BDNF: variants seen among roughly 807,000 people sequenced by gnomAD.
BDNF encodes brain derived neurotrophic factor.
BDNF carries 1 observed loss-of-function variant against 19.5 expected under a neutral mutation model. That is an observed-to-expected ratio of 0.05 (90% CI 0.02 to 0.24). The LOEUF is 0.24. Among genes scored for constraint, BDNF ranks in the 10% least tolerant of loss-of-function variants. The pLI is 1.00. For synonymous variants in BDNF, 100 were observed against 121.6 expected (o/e 0.82, Z 1.17); for missense variants, 195 against 317.6 (o/e 0.61, Z 2.93).
At chr11:27,698,394 G>GA (rs1280099392) in intron 1 of BDNF, among the ~76,000 whole-genome samples, 1 of 152,072 alleles carries the variant, frequency 6.6e-6, no homozygotes, top group Non-Finnish European at 1.5e-5. Context: ...GTAATGCCTT[G>GA]AAACGCTACA....
At chr11:27,707,052 C>G (rs1860137709) in intron 1 of BDNF, among the ~76,000 whole-genome samples, 1 of 152,164 alleles carries the variant, frequency 6.6e-6, no homozygotes, top group Non-Finnish European at 1.5e-5. Flanking sequence ...TTCATATTCT[C>G]AGGTGCTTAT....
intron 1 of BDNF, chr11:27,659,636 T>TGC: frequency 1.0e-6 from 1 of 998,366 alleles, no homozygotes; most frequent in Non-Finnish European, 1.2e-6. Context: ...TCTCTGTGTG[T>TGC]GTGTGTGTGT....
chr11:27,699,582 T>G (rs1193054931), intron 1 of BDNF: 33 of 1,493,732 alleles, frequency 2.2e-5, no homozygotes, highest in Non-Finnish European at 5.3e-6. Context: ...CGGTAGGAAT[T>G]CCGCCTCCCA....
intron 1 of BDNF, chr11:27,699,375 C>CA (rs764749578): frequency 6.2e-7 from 1 of 1,612,738 alleles, no homozygotes; most frequent in Admixed American, 1.7e-5. Context: ...AGGAGTAACT[C>CA]ACTCACCCAT....
chr11:27,669,602 A>G (rs891211827), intron 1 of BDNF, among the ~76,000 whole-genome samples: 1 of 152,184 alleles, frequency 6.6e-6, no homozygotes, highest in Non-Finnish European at 1.5e-5. Context: ...AAGCATTCCT[A>G]TACACCAATA....
In BDNF at chr11:27,659,566, T is replaced by G. The variant is rs1034705786; in HGVS notation, c.-21-981A>C. 3.0e-6 allele frequency: 3 copies of G among 1,000,266 alleles called. No individual in the cohort carries two copies. The African/African-American group carries it at 5.2e-5, about 17-fold the overall frequency. The allele number at this position is 1,000,266 out of a possible 1,614,324, so 62.0% of individuals were successfully genotyped here. On this transcript the variant is annotated intron_variant, in intron 1 of 1. Transcript: ENST00000356660. Reference sequence around the variant, plus strand: ...TAAAACCCTTCACTCCTTGGCTTTTTCTGGCTAATACACACATCTAGCTAA... The same window carrying G: ...TAAAACCCTTCACTCCTTGGCTTTTGCTGGCTAATACACACATCTAGCTAA...
intron 1 of BDNF, among the ~76,000 whole-genome samples, chr11:27,687,819 G>A (rs1016757796): frequency 2.0e-5 from 3 of 152,180 alleles, no homozygotes; most frequent in African/African-American, 7.2e-5. Flanking sequence ...GCCAGCCAGA[G>A]CTCTCCTGTA....
At chr11:27,719,082 A>AGT (rs1860642538) in intron 1 of BDNF, among the ~76,000 whole-genome samples, 1 of 152,184 alleles carries the variant, frequency 6.6e-6, no homozygotes, top group African/African-American at 2.4e-5. Context: ...CTCCCTGAAG[A>AGT]GTGGCAAGAG....
chr11:27,666,364 TCTC>T (rs1448866415), intron 1 of BDNF, among the ~76,000 whole-genome samples: 1 of 152,106 alleles, frequency 6.6e-6, no homozygotes, highest in Non-Finnish European at 1.5e-5. Flanking sequence ...GAGCACGTCT[TCTC>T]CTCCAAAGGA....
upstream of BDNF, among the ~76,000 whole-genome samples, chr11:27,704,236 T>C (rs547894177): frequency 4.1e-4 from 63 of 152,350 alleles, 1 homozygote; most frequent in African/African-American, 1.5e-3. Flanking sequence ...TTCACTTTTG[T>C]GGGGCTTAAA....
At position 27,692,874 on chromosome 11, in the gene BDNF, G is replaced by C. The variant is rs1858486930; in HGVS notation, c.-22+7290C>G. Among the ~76,000 whole-genome samples, 6 of 152,140 alleles carry C rather than the reference G, an allele frequency of 3.9e-5. 1 individual carries two copies. The South Asian group carries it at 1.2e-3, about 32-fold the overall frequency. On this transcript the variant is annotated intron_variant, in intron 1 of 1. Transcript: ENST00000356660. ...AGGATGTCAAAAATACATCACACAT[G>C]TTGACACTCTAATCTCCCAGCCACA...
Position 27,658,005 on chromosome 11 carries a change from T to C in BDNF, c.560A>G (p.Asn187Ser), listed in dbSNP as rs762853361. 16 of 1,614,020 alleles carry C rather than the reference T, an allele frequency of 9.9e-6. No individual in the cohort carries two copies. The highest frequency in any genetic ancestry group is 1.4e-5 in the Non-Finnish European group (16 of 1,180,028). ...GCCTTCTTTTGTGTAACCCATGGGATTGCACTTGGTCTCGTAGAAGTATTG... is the reference window on the plus strand; with the variant it reads ...GCCTTCTTTTGTGTAACCCATGGGACTGCACTTGGTCTCGTAGAAGTATTG... ...LKQYFYETKC[N>S]PMGYTKEGCR... The change falls in exon 2 of 2, where the codon AAT (asparagine) becomes AGT (serine). Residue 187 changes from asparagine (N) to serine (S), a missense_variant. Physicochemically the swap from Asn to Ser is conservative, Grantham distance 46. Transcript: ENST00000356660. The surrounding 1 kb of genome is among the most constrained non-coding windows in gnomAD (Gnocchi z 5.7).
intron 1 of BDNF, among the ~76,000 whole-genome samples, chr11:27,698,706 A>G (rs1859490043): frequency 6.6e-6 from 1 of 152,144 alleles, no homozygotes; most frequent in South Asian, 2.1e-4. Flanking sequence ...TCCCAATTAC[A>G]TATTACTTTG....
At chr11:27,719,122 G>T (rs1860643921) in intron 1 of BDNF, among the ~76,000 whole-genome samples, 1 of 152,216 alleles carries the variant, frequency 6.6e-6, no homozygotes, top group Non-Finnish European at 1.5e-5. Context: ...CCGGCAGTTC[G>T]CTGTCCCCCG....
At chr11:27,686,877 CAT>C (rs1857555276) in intron 1 of BDNF, among the ~76,000 whole-genome samples, 1 of 152,070 alleles carries the variant, frequency 6.6e-6, no homozygotes, top group Admixed American at 6.6e-5. Context: ...CTGACAATTA[CAT>C]GTCTTGGGTT....
At chr11:27,709,832 A>T (rs767784264) in intron 1 of BDNF, among the ~76,000 whole-genome samples, 1 of 152,248 alleles carries the variant, frequency 6.6e-6, no homozygotes, top group Non-Finnish European at 1.5e-5. Context: ...AGCTGGCAAC[A>T]CATTCAGACC....
chr11:27,713,983 G>T (rs1049178722), intron 1 of BDNF, among the ~76,000 whole-genome samples: 3 of 152,092 alleles, frequency 2.0e-5, no homozygotes, highest in African/African-American at 7.2e-5. Context: ...TTTGCCATTT[G>T]TCTAAAATAG....
intron 1 of BDNF, among the ~76,000 whole-genome samples, chr11:27,666,549 T>TA (rs1854373358): frequency 6.6e-6 from 1 of 152,168 alleles, no homozygotes; most frequent in Admixed American, 6.5e-5. Flanking sequence ...GACGAATGGC[T>TA]AACTAGAAAA....
At chr11:27,671,509 T>G (rs1855372675) in intron 1 of BDNF, among the ~76,000 whole-genome samples, 1 of 152,170 alleles carries the variant, frequency 6.6e-6, no homozygotes, top group Non-Finnish European at 1.5e-5. Context: ...ATAGAAAATT[T>G]TCAAGTATGA....
Sources: gnomAD v4.1 joint callset for allele counts (sites outside exome capture counted in the v4.1 genomes callset) on GRCh38, gnomAD v4.1.1 for gene constraint, Gnocchi (gnomAD v3.1) non-coding constraint, MANE v1.5 for transcripts, NCBI Gene and HGNC (gene_info 2026-07-23, HGNC 2026-07-21) for gene names.